NTM: variants seen among roughly 807,000 people sequenced by gnomAD.
The protein encoded by NTM is IgLON family member 2.
A neutral mutation model predicts 42.1 loss-of-function variants in NTM; 13 were observed. That is an observed-to-expected ratio of 0.31 (90% confidence interval 0.20 to 0.49). The LOEUF (loss-of-function observed/expected upper bound fraction) is 0.49, where lower values mean the gene tolerates loss of function less well. NTM is among the 20% of genes least tolerant of loss of function. The pLI is 0.99. For missense variants in NTM, 373 were observed against 452.8 expected, an observed-to-expected ratio of 0.82 and a Z score of 1.60; for synonymous variants, 187 against 179.2, an observed-to-expected ratio of 1.04 and a Z score of -0.35.
chr11:131,418,620 A>T (rs1165455885), intron 1 of NTM, among the ~76,000 whole-genome samples: 21 of 152,226 alleles, frequency 1.4e-4, no homozygotes. Flanking sequence ...TCGAAAGCCC[A>T]CACATCCACT....
rs532167955 is a variant in NTM at position 131,718,368 on chromosome 11, C to G, written c.83-193196C>G. 5.3e-5 allele frequency among the ~76,000 whole-genome samples: 8 copies of G among 152,218 alleles called. No homozygotes were observed. In the East Asian group the frequency reaches 1.4e-3, roughly 26 times the overall value. On this transcript the variant is annotated intron_variant, in intron 1 of 8. Coordinates refer to ENST00000683400, the MANE Select transcript of NTM (RefSeq NM_001352005.2). Reference sequence around the variant, plus strand: ...AGTGCCTTTGTGGAAGGACTTTTTTCTACAAATTCAATGTGTTTTGGCTCT... The same window carrying G: ...AGTGCCTTTGTGGAAGGACTTTTTTGTACAAATTCAATGTGTTTTGGCTCT...
chr11:131,674,720 T>C (rs1674302045), intron 1 of NTM, among the ~76,000 whole-genome samples: 1 of 152,212 alleles, frequency 6.6e-6, no homozygotes, highest in African/African-American at 2.4e-5. Flanking sequence ...TTTGCAAGCC[T>C]GATTTCCCTG....
At chr11:132,292,384 G>A (rs573481752) in intron 4 of NTM, among the ~76,000 whole-genome samples, 1 of 152,274 alleles carries the variant, frequency 6.6e-6, no homozygotes, top group South Asian at 2.1e-4. Context: ...CTGTCTGACG[G>A]CTTCTCTATT....
intron 1 of NTM, among the ~76,000 whole-genome samples, chr11:131,525,123 T>C (rs553425792): frequency 2.0e-5 from 3 of 152,138 alleles, no homozygotes; most frequent in Non-Finnish European, 4.4e-5. Flanking sequence ...TAATCTTGAA[T>C]GTGGCCACCT....
chr11:132,315,071 T>G (rs1019323472), intron 7 of NTM: 1 of 1,031,986 alleles, frequency 9.7e-7, no homozygotes, highest in Non-Finnish European at 1.2e-6. Context: ...ATGCCAAAAA[T>G]GACATTTGAT....
chr11:132,046,445 A>C (rs1206067363), intron 2 of NTM, among the ~76,000 whole-genome samples: 1 of 152,166 alleles, frequency 6.6e-6, no homozygotes. Flanking sequence ...CCAATGGGGA[A>C]ATCATACATC....
At chr11:131,878,150 T>G (rs1218879469) in intron 1 of NTM, 1 of 152,098 alleles carries the variant, frequency 6.6e-6, no homozygotes, top group Non-Finnish European at 1.5e-5. Context: ...TGCCTAGAGT[T>G]GGGGACAGGA....
At chr11:131,899,033 T>A (rs1328212410) in intron 1 of NTM, among the ~76,000 whole-genome samples, 1 of 152,126 alleles carries the variant, frequency 6.6e-6, no homozygotes, top group Non-Finnish European at 1.5e-5. Flanking sequence ...GGGGATGCAT[T>A]GAGGTGGCTA....
At chr11:131,743,091 C>T (rs1591547675) in intron 1 of NTM, among the ~76,000 whole-genome samples, 1 of 152,140 alleles carries the variant, frequency 6.6e-6, no homozygotes, top group Non-Finnish European at 1.5e-5. Context: ...TTATTTTTCT[C>T]TCTCATAATG....
intron 1 of NTM, among the ~76,000 whole-genome samples, chr11:131,438,805 C>G (rs1448643065): frequency 6.6e-6 from 1 of 152,206 alleles, no homozygotes; most frequent in African/African-American, 2.4e-5. Flanking sequence ...AAGTCATTCT[C>G]CATCCAGCTT....
At chr11:132,317,185 GTTCTGCTCCCGCACTCCTGAA>G (rs1191600783) in intron 7 of NTM, among the ~76,000 whole-genome samples, 1 of 152,128 alleles carries the variant, frequency 6.6e-6, no homozygotes, top group African/African-American at 2.4e-5. Context: ...GCCTCTGAGA[GTTCTGCTCCCGCACTCCTGAA>G]TCACAGTGCT....
intron 3 of NTM, among the ~76,000 whole-genome samples, chr11:132,161,395 T>C (rs4544008): frequency 0.017 from 1,672 of 97,134 alleles, 41 homozygotes; most frequent in African/African-American, 0.066. Flanking sequence ...TTTTTTTTTT[T>C]CCCCACAAAA....
intron 2 of NTM, among the ~76,000 whole-genome samples, chr11:131,998,363 G>A (rs749728945): frequency 6.6e-6 from 1 of 152,114 alleles, no homozygotes; most frequent in Admixed American, 6.5e-5. Context: ...TCAGTATCCG[G>A]CATGTGGCAG....
intron 1 of NTM, among the ~76,000 whole-genome samples, chr11:131,753,017 C>G (rs1472488276): frequency 6.7e-6 from 1 of 149,918 alleles, no homozygotes; most frequent in Admixed American, 6.7e-5. Flanking sequence ...TATCCAGAAT[C>G]TACAATGAGC....
intron 2 of NTM, among the ~76,000 whole-genome samples, chr11:132,031,128 T>C (rs1322085428): frequency 6.6e-6 from 1 of 152,134 alleles, no homozygotes; most frequent in East Asian, 1.9e-4. Context: ...CCAAACACAG[T>C]GGTGGGAAAG....
chr11:131,412,481 T>A (rs1398864780), intron 1 of NTM, among the ~76,000 whole-genome samples: 2 of 152,218 alleles, frequency 1.3e-5, no homozygotes, highest in East Asian at 3.8e-4. Context: ...ACCTGCATAA[T>A]CTCTATCACT....
intron 1 of NTM, among the ~76,000 whole-genome samples, chr11:131,585,771 A>AT (rs543299748): frequency 5.1e-4 from 77 of 151,516 alleles, no homozygotes; most frequent in South Asian, 3.3e-3. Context: ...GGTTTGTCCT[A>AT]TTTTTTGCTT....
chr11:132,152,761 C>T (rs1401140528), intron 3 of NTM, among the ~76,000 whole-genome samples: 1 of 152,154 alleles, frequency 6.6e-6, no homozygotes, highest in Admixed American at 6.5e-5. Context: ...AGTAAACTCA[C>T]CTGAGGTATC....
At chr11:131,526,445 T>C (rs1175191736) in intron 1 of NTM, among the ~76,000 whole-genome samples, 3 of 152,198 alleles carry the variant, frequency 2.0e-5, no homozygotes, top group African/African-American at 4.8e-5. Context: ...CAGCTTTCTT[T>C]GGAATAATTA....
Sources: allele counts gnomAD v4.1 joint callset (sites outside exome capture counted in the v4.1 genomes callset), GRCh38; gene constraint gnomAD v4.1.1; transcripts MANE v1.5; gene names NCBI Gene and HGNC (gene_info 2026-07-23, HGNC 2026-07-21).